The following MCM6 variants were observed in gnomAD, a reference collection of about 807,000 sequenced individuals.
MCM6 encodes the protein minichromosome maintenance complex component 6.
Under a neutral mutation model 94.3 loss-of-function variants are expected in MCM6, and 46 were observed. That is an observed-to-expected ratio of 0.49 (90% CI 0.39 to 0.62). The LOEUF is 0.62. Among genes scored for constraint, MCM6 ranks in the 20% least tolerant of loss-of-function variants. The probability of loss-of-function intolerance (pLI) is 0.00; values close to 1 mark genes in which losing one functional copy is unlikely to be tolerated. For synonymous variants in MCM6, 335 were observed against 351.9 expected, an observed-to-expected ratio of 0.95 and a Z score of 0.54; for missense variants, 865 against 1,017.9, an observed-to-expected ratio of 0.85 and a Z score of 2.04.
intron 7 of MCM6, 66 bp from the exon 8 acceptor site, chr2:135,862,814 G>C (rs1680022965): frequency 6.4e-7 from 1 of 1,565,948 alleles, no homozygotes; most frequent in Non-Finnish European, 8.7e-7. Flanking sequence ...ACTTTCAGAA[G>C]AAACAGTAAA....
At chr2:135,843,130 G>A (rs916472365) in intron 16 of MCM6, among the ~76,000 whole-genome samples, 2 of 152,184 alleles carry the variant, frequency 1.3e-5, no homozygotes, top group East Asian at 3.8e-4. Flanking sequence ...ATTTGCTGCT[G>A]AAGAGGAGCT....
chr2:135,860,772 C>T (rs1307724192), intron 8 of MCM6, among the ~76,000 whole-genome samples: 1 of 152,100 alleles, frequency 6.6e-6, no homozygotes, highest in Non-Finnish European at 1.5e-5. Context: ...CAGATAACAT[C>T]AAACTTAAAG....
At chr2:135,860,239 TCTC>T (rs1679965315) in intron 8 of MCM6, among the ~76,000 whole-genome samples, 1 of 152,098 alleles carries the variant, frequency 6.6e-6, no homozygotes, top group Non-Finnish European at 1.5e-5. Flanking sequence ...TTCATGCCAT[TCTC>T]CTGCTTCAGC....
chr2:135,843,205 G>A (rs909113405), intron 16 of MCM6, among the ~76,000 whole-genome samples: 1 of 152,188 alleles, frequency 6.6e-6, no homozygotes, highest in Non-Finnish European at 1.5e-5. Context: ...TAGCAATTGA[G>A]TAAGAACAAC....
At chr2:135,845,545 T>C (rs2105572346) in intron 15 of MCM6, among the ~76,000 whole-genome samples, 1 of 152,332 alleles carries the variant, frequency 6.6e-6, no homozygotes, top group East Asian at 1.9e-4. Context: ...GTTCTCTTCT[T>C]TCATAGCAGA....
At position 135,858,011 on chromosome 2, in the gene MCM6, C is replaced by T. The variant is rs747279515; in HGVS notation, c.1363-7G>A. 6.2e-7 allele frequency: 1 copy of T among 1,611,578 alleles called. No individual in the cohort carries two copies. Among genetic ancestry groups the T allele is most frequent in the South Asian group, 1.1e-5 (1 of 90,996 alleles). On this transcript the variant is annotated splice_region_variant and splice_polypyrimidine_tract_variant and intron_variant, in intron 9 of 16. Transcript: ENST00000264156. ...CATCAATACAACACACACCCTGTAA[C>T]CAAACAAATCAAGCCTAAGAAGCTG...
Position 135,876,436 on chromosome 2 carries a change from A to G in MCM6, c.-71T>C. 7.6e-7 allele frequency: 1 copy of G among 1,322,228 alleles called. No individual in the cohort carries two copies. The highest frequency in any genetic ancestry group is 1.0e-6 in the Non-Finnish European group (1 of 984,052). 81.9% of individuals were successfully genotyped at this position (1,322,228 alleles called of 1,614,324 possible). A position where few individuals can be genotyped will look rare whatever the true frequency, so the allele number is the denominator to read the frequency against. On this transcript the variant is annotated 5_prime_UTR_variant, in exon 1 of 17. Transcript: ENST00000264156. ...CAAGTCGCTTTTTTCCAGACGCTGC[A>G]GCTTTGCGCGCGCCGCCGCCGCTTC...
chr2:135,869,402 G>GAAAAA (rs1454791999), intron 3 of MCM6, among the ~76,000 whole-genome samples: 1 of 47,678 alleles, frequency 2.1e-5, no homozygotes, highest in Non-Finnish European at 4.6e-5. Context: ...CTCTGTCTCA[G>GAAAAA]AAAAAAAAAA....
In MCM6 at chr2:135,852,780, AG is replaced by A; in HGVS notation, c.1755+6del. 1 of 1,566,520 alleles carries A rather than the reference AG, an allele frequency of 6.4e-7. No individual in the cohort carries two copies. Among genetic ancestry groups the A allele is most frequent in the Non-Finnish European group, 8.6e-7 (1 of 1,157,888 alleles). On this transcript the variant is annotated splice_donor_region_variant and intron_variant, in intron 12 of 16. Transcript: ENST00000264156. ...ATACCTTATCCCAGTACAAAAGGGT[AG>A]GTTACCTTGGGTTTAAACTGTCTTG...
chr2:135,874,785 T>C (rs1680265904), intron 1 of MCM6, among the ~76,000 whole-genome samples: 1 of 152,204 alleles, frequency 6.6e-6, no homozygotes, highest in Non-Finnish European at 1.5e-5. Context: ...CAAACTCTTC[T>C]GGTCCCAAGC....
chr2:135,866,138 G>T lies in MCM6; in HGVS notation c.921C>A (p.Asn307Lys). Residue 307 changes from asparagine (N) to lysine (K), a missense_variant, in exon 6 of 17, where the codon AAC becomes AAA. Asn to Lys is a moderately conservative substitution (Grantham distance 94, BLOSUM62 0). This residue lies in a region of MCM6 where 404 missense variants were observed against 451.9 expected (regional missense o/e 0.89). Transcript: ENST00000264156. ...VFLACCVAPT[N>K]PRFGGKELRD... Reference sequence around the variant, plus strand: ...AACCCCCAAAACGACTGACCCTTGGGTTGGTTGGCGCAACACAGCAGGCAA... The same window carrying T: ...AACCCCCAAAACGACTGACCCTTGGTTTGGTTGGCGCAACACAGCAGGCAA... 6.2e-7 allele frequency: 1 copy of T among 1,614,046 alleles called. No homozygotes were observed. The highest frequency in any genetic ancestry group is 8.5e-7 in the Non-Finnish European group (1 of 1,180,016).
chr2:135,859,281 A>G lies in MCM6; in HGVS notation c.1362+20T>C. The G allele has an allele frequency of 6.2e-7, 1 of 1,602,174 alleles. No individual in the cohort carries two copies. The highest frequency in any genetic ancestry group is 8.5e-7 in the Non-Finnish European group (1 of 1,171,742). On this transcript the variant is annotated intron_variant, in intron 9 of 16. Coordinates refer to ENST00000264156, the MANE Select transcript of MCM6 (RefSeq NM_005915.6). ...GGGTATTCTGACTTCTTTATACTGA[A>G]GAGTGTAAAATGTTCTTACATTATC...
chr2:135,847,195 T>A (rs948274982), intron 14 of MCM6, among the ~76,000 whole-genome samples: 2 of 152,150 alleles, frequency 1.3e-5, no homozygotes, highest in African/African-American at 4.8e-5. Flanking sequence ...TGCAGTATTA[T>A]ATACAAAATA....
chr2:135,852,689 T>C (rs1167905801), intron 12 of MCM6, 98 bp downstream of exon 12: 3 of 874,642 alleles, frequency 3.4e-6, no homozygotes, highest in Non-Finnish European at 4.7e-6. Flanking sequence ...GGAACTAAGG[T>C]AGATGACAGG....
intron 1 of MCM6, among the ~76,000 whole-genome samples, chr2:135,875,593 G>A (rs1680279603): frequency 6.6e-6 from 1 of 152,132 alleles, no homozygotes; most frequent in Admixed American, 6.5e-5. Flanking sequence ...GCAAGCCAGG[G>A]AGGAGGTTGG....
chr2:135,866,748 C>G lies in MCM6; in HGVS notation c.616-20G>C, dbSNP rs770957491. The G allele has an allele frequency of 6.3e-7, 1 of 1,575,940 alleles. No individual in the cohort carries two copies. The highest frequency in any genetic ancestry group is 8.6e-7 in the Non-Finnish European group (1 of 1,164,616). ...ACGAACCTGTAATACAGACAAACAA[C>G]CAACCAAGAATGAGAAGCAATACCT... On this transcript the variant is annotated intron_variant, in intron 4 of 16. Coordinates refer to ENST00000264156, the MANE Select transcript of MCM6 (RefSeq NM_005915.6).
chr2:135,844,415 A>G, intron 16 of MCM6, 130 bp downstream of exon 16: 1 of 683,716 alleles, frequency 1.5e-6, no homozygotes, highest in Non-Finnish European at 2.2e-6. Flanking sequence ...TTTACAACTC[A>G]TACTTCTGAC....
At chr2:135,853,476 A>G (rs1679813501) in intron 11 of MCM6, among the ~76,000 whole-genome samples, 1 of 152,086 alleles carries the variant, frequency 6.6e-6, no homozygotes, top group East Asian at 1.9e-4. Context: ...CAGAACTAAC[A>G]TTTATAGGGC....
At chr2:135,841,804 A>G (rs1679577931) in intron 16 of MCM6, among the ~76,000 whole-genome samples, 1 of 152,146 alleles carries the variant, frequency 6.6e-6, no homozygotes, top group African/African-American at 2.4e-5. Flanking sequence ...TGGTAAGCCA[A>G]ATTTTAAAAG....
Sources: gnomAD v4.1 joint callset for allele counts (sites outside exome capture counted in the v4.1 genomes callset) on GRCh38, gnomAD v4.1.1 for gene constraint, gnomAD v4.1.1 regional missense constraint, MANE v1.5 for transcripts, NCBI Gene and HGNC (gene_info 2026-07-23, HGNC 2026-07-21) for gene names.